The following PABPC4L variants were observed in gnomAD, a reference collection of about 807,000 sequenced individuals.
PABPC4L encodes the protein poly(A) binding protein cytoplasmic 4 like, also known as polyadenylate-binding protein 4-like.
For synonymous variants in PABPC4L, 169 were observed against 164.1 expected, an observed-to-expected ratio of 1.03 and a Z score of -0.23; for missense variants, 452 against 451.4, an observed-to-expected ratio of 1.00 and a Z score of -0.01.
the PABPC4L span, among the ~76,000 whole-genome samples, chr4:134,029,536 T>C: frequency 1.3e-5 from 2 of 152,068 alleles, no homozygotes; most frequent in African/African-American, 4.8e-5. Flanking sequence ...ATAATAGGTT[T>C]GATTAGTAAA....
chr4:134,190,116 A>G, the PABPC4L span, among the ~76,000 whole-genome samples: 2 of 152,144 alleles, frequency 1.3e-5, no homozygotes, highest in South Asian at 4.1e-4. Context: ...TCAGCAATAC[A>G]GTTACAGTTT....
the PABPC4L span, among the ~76,000 whole-genome samples, chr4:133,950,350 G>T: frequency 6.6e-6 from 1 of 152,224 alleles, no homozygotes; most frequent in Middle Eastern, 3.4e-3. Context: ...TTACTTCCAT[G>T]TTTTGAAATG....
chr4:133,972,999 A>C, the PABPC4L span, among the ~76,000 whole-genome samples: 1 of 152,146 alleles, frequency 6.6e-6, no homozygotes, highest in Non-Finnish European at 1.5e-5. Flanking sequence ...ATAATTACTC[A>C]TAAGGTCTGG....
the PABPC4L span, among the ~76,000 whole-genome samples, chr4:134,150,149 C>T: frequency 1.3e-5 from 2 of 149,466 alleles, no homozygotes; most frequent in African/African-American, 5.0e-5. Flanking sequence ...ATGGCGCGAT[C>T]TCGGCTCACT....
At chr4:134,038,829 C>A in the PABPC4L span, among the ~76,000 whole-genome samples, 1 of 152,040 alleles carries the variant, frequency 6.6e-6, no homozygotes, top group Admixed American at 6.6e-5. Context: ...TTCTTCAGTT[C>A]TGCTCTGATC....
chr4:134,075,915 A>G, the PABPC4L span, among the ~76,000 whole-genome samples: 1 of 152,092 alleles, frequency 6.6e-6, no homozygotes, highest in African/African-American at 2.4e-5. Flanking sequence ...AAATTGGTCA[A>G]AGATAAAGAT....
the PABPC4L span, among the ~76,000 whole-genome samples, chr4:133,985,990 A>G: frequency 6.6e-6 from 1 of 152,088 alleles, no homozygotes; most frequent in Admixed American, 6.6e-5. Context: ...ACGTTACAGC[A>G]CTTGTTTTAT....
chr4:134,004,981 G>T, the PABPC4L span, among the ~76,000 whole-genome samples: 1 of 151,860 alleles, frequency 6.6e-6, no homozygotes, highest in Non-Finnish European at 1.5e-5. Flanking sequence ...TAAGTGGAGA[G>T]ATGTTGGCTA....
chr4:134,070,158 C>A, the PABPC4L span, among the ~76,000 whole-genome samples: 1 of 151,978 alleles, frequency 6.6e-6, no homozygotes, highest in Non-Finnish European at 1.5e-5. Flanking sequence ...GCTTTGTTTT[C>A]TGGACCCTTG....
the PABPC4L span, among the ~76,000 whole-genome samples, chr4:134,161,545 C>A: frequency 1.3e-5 from 2 of 151,954 alleles, no homozygotes; most frequent in African/African-American, 4.8e-5. Context: ...AAAGAAATCC[C>A]AACTTAGAAT....
the PABPC4L span, among the ~76,000 whole-genome samples, chr4:134,164,364 G>A: frequency 6.6e-6 from 1 of 150,888 alleles, no homozygotes; most frequent in Non-Finnish European, 1.5e-5. Flanking sequence ...GATGTGATTG[G>A]CTACATAGAA....
At chr4:133,966,575 A>T in the PABPC4L span, among the ~76,000 whole-genome samples, 1 of 152,338 alleles carries the variant, frequency 6.6e-6, no homozygotes, top group East Asian at 1.9e-4. Context: ...TCAATAAACT[A>T]GTGGATAAAG....
At chr4:134,023,823 A>G in the PABPC4L span, among the ~76,000 whole-genome samples, 4 of 152,184 alleles carry the variant, frequency 2.6e-5, no homozygotes, top group South Asian at 8.3e-4. Context: ...TCTCCTTATA[A>G]AGCTTGTAAC....
chr4:134,196,566 T>C lies in PABPC4L; in HGVS notation c.*3341A>G, dbSNP rs1578881113. On this transcript the variant is annotated 3_prime_UTR_variant, in exon 2 of 2. Coordinates refer to ENST00000421491, the MANE Select transcript of PABPC4L (RefSeq NM_001114734.2). Reference sequence around the variant, plus strand: ...GTGGCAATATGTGTGGAGAGAAGGGTGAAAGTAGAAACAGTGGCTCAAGGC... The same window carrying C: ...GTGGCAATATGTGTGGAGAGAAGGGCGAAAGTAGAAACAGTGGCTCAAGGC... The C allele has an allele frequency of 6.6e-6, 1 of 151,690 alleles. No individual in the cohort carries two copies. The highest frequency in any genetic ancestry group is 1.5e-5 in the Non-Finnish European group (1 of 67,678). The allele number at this position is 151,690 out of a possible 1,614,324, so 9.4% of individuals were successfully genotyped here.
chr4:134,090,754 T>C, the PABPC4L span, among the ~76,000 whole-genome samples: 11 of 148,236 alleles, frequency 7.4e-5, no homozygotes, highest in African/African-American at 2.7e-4. Flanking sequence ...CAGAGCAATA[T>C]CCTGTCTCAA....
the PABPC4L span, among the ~76,000 whole-genome samples, chr4:134,123,133 T>C: frequency 6.6e-6 from 1 of 152,042 alleles, no homozygotes; most frequent in East Asian, 1.9e-4. Context: ...GTGTGTCTTT[T>C]AAAGGCACCT....
chr4:134,062,088 T>C, the PABPC4L span, among the ~76,000 whole-genome samples: 1 of 151,212 alleles, frequency 6.6e-6, no homozygotes. Flanking sequence ...GTGGTTAAGA[T>C]AGGAAATGTA....
chr4:134,149,246 A>G, the PABPC4L span, among the ~76,000 whole-genome samples: 12 of 152,306 alleles, frequency 7.9e-5, no homozygotes, highest in African/African-American at 2.6e-4. Context: ...TAAGCCAGAT[A>G]AAGTTAAACA....
the PABPC4L span, among the ~76,000 whole-genome samples, chr4:133,975,243 A>G: frequency 2.0e-5 from 3 of 152,132 alleles, no homozygotes; most frequent in African/African-American, 7.2e-5. Context: ...ACATGAAAAG[A>G]TGCATATTGT....
Sources: allele counts gnomAD v4.1 joint callset (sites outside exome capture counted in the v4.1 genomes callset), GRCh38; gene constraint gnomAD v4.1.1; transcripts MANE v1.5; gene names NCBI Gene and HGNC (gene_info 2026-07-23, HGNC 2026-07-21).